The following BPIFB6 variants were observed in gnomAD, a reference collection of about 807,000 sequenced individuals.
BPIFB6 encodes the protein BPI fold-containing family B member 6.
BPIFB6 carries 47 observed loss-of-function variants against 54.7 expected under a neutral mutation model. The observed-to-expected ratio is 0.86, with a 90% CI of 0.68 to 1.10. The LOEUF is 1.10. Among genes scored for constraint, BPIFB6 ranks in the 50% least tolerant of loss-of-function variants. The pLI is 0.00. For missense variants in BPIFB6, 603 were observed against 564.1 expected (o/e 1.07, Z -0.70); for synonymous variants, 255 against 225.9 (o/e 1.13, Z -1.16).
chr20:33,034,679 G>A (rs1036105951), intron 3 of BPIFB6, 84 bp from the exon 4 acceptor site: 1 of 1,467,550 alleles, frequency 6.8e-7, no homozygotes, highest in Non-Finnish European at 9.2e-7. Context: ...CCTCTCAGCT[G>A]CTCAGATTGT....
chr20:33,041,995 T>C lies in BPIFB6; in HGVS notation c.1168T>C (p.Ser390Pro), dbSNP rs1979608989. 4.3e-6 allele frequency: 7 copies of C among 1,614,016 alleles called. No homozygotes were observed. The East Asian group carries it at 1.6e-4, about 36-fold the overall frequency. ...ATTACTGAGCTTGTCCCGGAAGTCC[T>C]CATCGATTGGCAACTTCAATGTAAG... ...DRLLSLSRKSSSIGNFNEREL... is the reference protein window; with the variant it reads ...DRLLSLSRKSPSIGNFNEREL... The change falls in exon 12 of 15, where the codon TCA becomes CCA. Residue 390 changes from serine to proline, a missense_variant. Transcript: ENST00000349552.
chr20:33,032,714 C>A (rs1979156216), intron 1 of BPIFB6, among the ~76,000 whole-genome samples: 1 of 152,164 alleles, frequency 6.6e-6, no homozygotes, highest in South Asian at 2.1e-4. Flanking sequence ...ATTACTATTC[C>A]CCTTTCAAGT....
intron 4 of BPIFB6, 35 bp downstream of exon 4, chr20:33,034,947 C>T: frequency 1.2e-6 from 2 of 1,605,054 alleles, no homozygotes; most frequent in African/African-American, 1.3e-5. Context: ...GAAGGCCGGT[C>T]CATATTGCTA....
Position 33,037,736 on chromosome 20 carries a change from A to G in BPIFB6, c.844A>G (p.Met282Val), listed in dbSNP as rs1600525468. 1 of 1,614,066 alleles carries G rather than the reference A, an allele frequency of 6.2e-7. No individual in the cohort carries two copies. ...CTTTCATGTGAATATCCAGGATACA[A>G]TGGTGAGCTGTCCAGTTCCCCATTT... ...KSFHVNIQDTMIGELPPQTTK... is the reference protein window; with the variant it reads ...KSFHVNIQDTVIGELPPQTTK... The change falls in exon 8 of 15, where the codon ATG (methionine) becomes GTG (valine). Residue 282 changes from methionine to valine, a missense_variant and splice_region_variant. Transcript: ENST00000349552.
chr20:33,040,590 G>A (rs1279516933), intron 11 of BPIFB6, among the ~76,000 whole-genome samples: 1 of 152,188 alleles, frequency 6.6e-6, no homozygotes, highest in African/African-American at 2.4e-5. Flanking sequence ...ATCTGGTCAT[G>A]GGCCCATGCC....
chr20:33,040,220 C>G, intron 10 of BPIFB6, 31 bp from the exon 11 acceptor site: 1 of 1,605,820 alleles, frequency 6.2e-7, no homozygotes, highest in Non-Finnish European at 8.5e-7. Flanking sequence ...GAACCCACTG[C>G]CTTCTCCCTG....
At chr20:33,043,546 A>G (rs1412728092) in intron 14 of BPIFB6, among the ~76,000 whole-genome samples, 179 bp downstream of exon 14, 1 of 152,170 alleles carries the variant, frequency 6.6e-6, no homozygotes, top group African/African-American at 2.4e-5. Flanking sequence ...ATAGAAGGAT[A>G]CTTGGACTCT....
intron 11 of BPIFB6, 83 bp from the exon 12 acceptor site, chr20:33,041,887 G>A: frequency 7.6e-7 from 1 of 1,308,012 alleles, no homozygotes; most frequent in Non-Finnish European, 1.1e-6. Context: ...GGGTGCTTGG[G>A]ACCCCCTTCT....
At chr20:33,036,813 C>T (rs991617617) in intron 7 of BPIFB6, among the ~76,000 whole-genome samples, 1 of 152,174 alleles carries the variant, frequency 6.6e-6, no homozygotes, top group South Asian at 2.1e-4. Context: ...GTGAGTGAAG[C>T]AAATATTGTC....
At chr20:33,033,308 A>T (rs1269606396) in intron 2 of BPIFB6, 1 of 638,994 alleles carries the variant, frequency 1.6e-6, no homozygotes, top group Non-Finnish European at 3.0e-6. Flanking sequence ...TGTAGTGAGC[A>T]GGGTCATTTT....
intron 7 of BPIFB6, 100 bp downstream of exon 7, chr20:33,036,636 G>A: frequency 8.9e-7 from 1 of 1,128,828 alleles, no homozygotes; most frequent in Admixed American, 1.7e-5. Flanking sequence ...TAGGGCTGTG[G>A]AGGGAGGGAG....
rs750762957 is a variant in BPIFB6 at position 33,032,995 on chromosome 20, G to A, written c.109G>A (p.Ala37Thr). 58 of 1,613,624 alleles carry A rather than the reference G, an allele frequency of 3.6e-5. No individual in the cohort carries two copies. The highest frequency in any genetic ancestry group is 8.9e-5 in the East Asian group (4 of 44,888). ...TGTCTCCACTCCAGAGGTCCAGAGC[G>A]CCATGGATGAGAGTCATATCCTGGA... ...GMDIMNQVQS[A>T]MDESHILEKM... The change falls in exon 2 of 15, where the codon GCC becomes ACC. Residue 37 changes from alanine (A) to threonine (T), a missense_variant. Transcript: ENST00000349552.
intron 11 of BPIFB6, among the ~76,000 whole-genome samples, chr20:33,040,603 CT>C (rs770855789): frequency 1.7e-4 from 26 of 152,258 alleles, no homozygotes; most frequent in Non-Finnish European, 3.8e-4. Flanking sequence ...CCCATGCCCC[CT>C]TTTCCATTAA....
chr20:33,044,067 C>A (rs762029133), downstream of BPIFB6: 3 of 1,613,996 alleles, frequency 1.9e-6, no homozygotes, highest in South Asian at 2.2e-5. Context: ...GACTCCCCTG[C>A]CAGCTGCCTG....
At chr20:33,035,508 C>T in intron 5 of BPIFB6, 104 bp from the exon 6 acceptor site, 2 of 1,224,232 alleles carry the variant, frequency 1.6e-6, no homozygotes, top group Non-Finnish European at 2.4e-6. Flanking sequence ...CTCCCCAGTC[C>T]CTGTCCCACC....
intron 4 of BPIFB6, 59 bp from the exon 5 acceptor site, chr20:33,035,022 G>A (rs926144875): frequency 1.9e-6 from 3 of 1,610,356 alleles, no homozygotes; most frequent in Non-Finnish European, 2.5e-6. Flanking sequence ...CATGTCCTGT[G>A]CCTAAATTCC....
chr20:33,043,214 T>C (rs961320358), intron 13 of BPIFB6, 77 bp from the exon 14 acceptor site: 88 of 1,291,256 alleles, frequency 6.8e-5, no homozygotes, highest in Non-Finnish European at 9.0e-5. Flanking sequence ...TATTTCCCAC[T>C]ATCCCTACCC....
At chr20:33,032,951 G>C (rs772948595) in intron 1 of BPIFB6, 33 bp from the exon 2 acceptor site, 1 of 1,572,076 alleles carries the variant, frequency 6.4e-7, no homozygotes, top group Non-Finnish European at 8.8e-7. Context: ...TTGGCCCAGG[G>C]AAAATCTCTC....
Position 33,034,089 on chromosome 20 carries a change from G to T in BPIFB6, c.198-97G>T, listed in dbSNP as rs1450464807. The T allele has an allele frequency of 7.1e-6, 6 of 843,376 alleles. No homozygotes were observed. In the East Asian group the frequency reaches 9.7e-5, roughly 14 times the overall value. The allele number at this position is 843,376 out of a possible 1,614,324, so 52.2% of individuals were successfully genotyped here. On this transcript the variant is annotated intron_variant, in intron 2 of 14. Transcript: ENST00000349552. Reference sequence around the variant, plus strand: ...CCATGACATGGGATAGGAGGCCGGGGTTATCGAAAGTCTTCCCAGTAAAGT... The same window carrying T: ...CCATGACATGGGATAGGAGGCCGGGTTTATCGAAAGTCTTCCCAGTAAAGT...
Sources: gnomAD v4.1 joint callset for allele counts (sites outside exome capture counted in the v4.1 genomes callset) on GRCh38, gnomAD v4.1.1 for gene constraint, MANE v1.5 for transcripts, NCBI Gene and HGNC (gene_info 2026-07-23, HGNC 2026-07-21) for gene names.